Variants in TRAPPC9 observed in about 807,000 individuals in gnomAD.
The protein encoded by TRAPPC9 is IKK2 binding protein.
Under a neutral mutation model 124.0 loss-of-function variants are expected in TRAPPC9, and 83 were observed. The observed-to-expected ratio is 0.67, with a 90% CI of 0.56 to 0.80. The LOEUF (loss-of-function observed/expected upper bound fraction) is 0.80, where lower values mean the gene tolerates loss of function less well. TRAPPC9 is among the 30% of genes least tolerant of loss of function. The pLI is 0.00. For synonymous variants in TRAPPC9, 638 were observed against 617.5 expected, an observed-to-expected ratio of 1.03 and a Z score of -0.49; for missense variants, 1,302 against 1,508.3, an observed-to-expected ratio of 0.86 and a Z score of 2.27.
intron 17 of TRAPPC9, among the ~76,000 whole-genome samples, chr8:140,165,746 C>G (rs1484425177): frequency 6.6e-6 from 1 of 152,090 alleles, no homozygotes; most frequent in African/African-American, 2.4e-5. Context: ...CTGAGATTAT[C>G]TGCAAGGCAG....
At chr8:140,015,342 T>TA (rs1406128524) in intron 18 of TRAPPC9, among the ~76,000 whole-genome samples, 1 of 152,216 alleles carries the variant, frequency 6.6e-6, no homozygotes, top group African/African-American at 2.4e-5. Flanking sequence ...TGGGGATGCA[T>TA]ATAACTCTAA....
rs111380726 is a variant in TRAPPC9, at chr8:139,821,718, G to A, written c.3055+64161C>T. ...ATCAATGTTTTTAAAGTGCTTTCTC[G>A]ACTACAAACCAGCACCCATGGTGAG... On this transcript the variant is annotated intron_variant, in intron 21 of 22. Coordinates refer to ENST00000438773, the MANE Select transcript of TRAPPC9 (RefSeq NM_001160372.4). Among the ~76,000 whole-genome samples the A allele has an allele frequency of 2.8e-3, 419 of 152,260 alleles. 2 individuals are homozygous for A. The highest frequency in any genetic ancestry group is 9.2e-3 in the African/African-American group (383 of 41,552).
rs572905654 is a variant in TRAPPC9 at position 140,104,201 on chromosome 8, C to G, written c.2557-80122G>C. ...ATGACAGTAGAATACATGTGCTACA[C>G]TGTATGCCAGGGCTGTCGGCTGTAA... On this transcript the variant is annotated intron_variant, in intron 17 of 22. Transcript: ENST00000438773. This position sits in a 1 kb window ranked among gnomAD's most constrained non-coding sequence, Gnocchi z 4.0. Among the ~76,000 whole-genome samples, 149 of 152,272 alleles carry G rather than the reference C, an allele frequency of 9.8e-4. No homozygotes were observed. The highest frequency in any genetic ancestry group is 3.4e-3 in the African/African-American group (141 of 41,538).
At chr8:140,421,676 A>G (rs1363998964) in intron 5 of TRAPPC9, among the ~76,000 whole-genome samples, 2 of 152,190 alleles carry the variant, frequency 1.3e-5, no homozygotes, top group East Asian at 3.9e-4. Flanking sequence ...CAGGAAAAAA[A>G]GGAAGACAAC....
chr8:140,289,054 A>C (rs1021929725), intron 12 of TRAPPC9, among the ~76,000 whole-genome samples: 1 of 152,244 alleles, frequency 6.6e-6, no homozygotes, highest in African/African-American at 2.4e-5. Context: ...CCTCTGGAGA[A>C]GTGCTGGAAA....
intron 21 of TRAPPC9, among the ~76,000 whole-genome samples, chr8:139,861,725 A>T (rs1461578106): frequency 6.6e-6 from 1 of 152,086 alleles, no homozygotes; most frequent in Non-Finnish European, 1.5e-5. Context: ...GGAGCCCACA[A>T]ATCGAGTGGT....
At position 140,451,262 on chromosome 8, in the gene TRAPPC9, T is replaced by C. The variant is rs1435020201; in HGVS notation, c.112A>G (p.Ile38Val). The C allele has an allele frequency of 1.2e-6, 2 of 1,613,114 alleles. No individual in the cohort carries two copies. Among genetic ancestry groups the C allele is most frequent in the Non-Finnish European group, 1.7e-6 (2 of 1,180,030 alleles). ...ACGCTGATCTGACTCACAGAGCAAATCCTCTTATAGATCCTGAAGAAGTTC... is the reference window on the plus strand; with the variant it reads ...ACGCTGATCTGACTCACAGAGCAAACCCTCTTATAGATCCTGAAGAAGTTC... ...EENFFRIYKR[I>V]CSVSQISVRD... The change falls in exon 2 of 23, where the codon ATT becomes GTT. Residue 38 changes from isoleucine (I) to valine (V), a missense_variant. Around this residue, in one of 3 missense-constraint regions of TRAPPC9, gnomAD observed 657 missense variants for 811.2 expected, o/e 0.81. Coordinates refer to ENST00000438773, the MANE Select transcript of TRAPPC9 (RefSeq NM_001160372.4).
At chr8:139,919,775 G>A (rs1832391671) in intron 19 of TRAPPC9, among the ~76,000 whole-genome samples, 1 of 152,186 alleles carries the variant, frequency 6.6e-6, no homozygotes, top group Admixed American at 6.5e-5. Context: ...TGCTACCAGT[G>A]TGTGGCCCAG....
chr8:140,075,097 C>G (rs187096089), intron 17 of TRAPPC9, among the ~76,000 whole-genome samples: 10 of 152,254 alleles, frequency 6.6e-5, no homozygotes, highest in Admixed American at 1.3e-4. Flanking sequence ...GTGTGCCCAT[C>G]AAGAAGGTGA....
intron 17 of TRAPPC9, among the ~76,000 whole-genome samples, chr8:140,069,894 A>C (rs1011838910): frequency 1.3e-5 from 2 of 152,040 alleles, no homozygotes; most frequent in Non-Finnish European, 2.9e-5. Context: ...TAGAGTCCAA[A>C]GGCCCGGGAG....
At chr8:139,743,230 C>T (rs962660339) in intron 21 of TRAPPC9, among the ~76,000 whole-genome samples, 1 of 152,194 alleles carries the variant, frequency 6.6e-6, no homozygotes, top group Non-Finnish European at 1.5e-5. Flanking sequence ...GGCATGTCCC[C>T]TCAAGGCTGG....
chr8:140,207,065 G>T (rs973491797), intron 17 of TRAPPC9, among the ~76,000 whole-genome samples: 5 of 152,192 alleles, frequency 3.3e-5, no homozygotes, highest in African/African-American at 1.2e-4. Flanking sequence ...CCTGGAGAAG[G>T]CAGGCAGGAG....
At chr8:139,784,812 G>A (rs1165387992) in intron 21 of TRAPPC9, among the ~76,000 whole-genome samples, 9 of 151,538 alleles carry the variant, frequency 5.9e-5, no homozygotes, top group South Asian at 2.1e-4. Flanking sequence ...AATTATAGAC[G>A]GCTCAAAAAA....
At chr8:140,230,337 G>A (rs752891788) in intron 16 of TRAPPC9, among the ~76,000 whole-genome samples, 12 of 152,186 alleles carry the variant, frequency 7.9e-5, no homozygotes, top group Non-Finnish European at 1.0e-4. Context: ...GGCTGGGCAC[G>A]GTGGCTCATG....
intron 16 of TRAPPC9, among the ~76,000 whole-genome samples, chr8:140,225,223 T>C (rs974884104): frequency 1.3e-5 from 2 of 152,210 alleles, no homozygotes; most frequent in African/African-American, 4.8e-5. Flanking sequence ...GATTCACCAT[T>C]ATGCCCCTCA....
intron 19 of TRAPPC9, chr8:139,916,397 G>A (rs1053641898): frequency 6.6e-6 from 1 of 152,248 alleles, no homozygotes; most frequent in Non-Finnish European, 1.5e-5. Context: ...CCGCATTACA[G>A]ATGGAGAGAC....
chr8:140,326,459 C>A (rs183825772), intron 9 of TRAPPC9, among the ~76,000 whole-genome samples: 1 of 152,128 alleles, frequency 6.6e-6, no homozygotes, highest in Non-Finnish European at 1.5e-5. Flanking sequence ...GATCAAAGGA[C>A]CCGCTTTGCC....
chr8:140,332,350 A>C (rs1299037392), intron 9 of TRAPPC9, among the ~76,000 whole-genome samples: 2 of 152,232 alleles, frequency 1.3e-5, no homozygotes, highest in African/African-American at 4.8e-5. Context: ...GAGGTTGGTC[A>C]ACAGAGACAA....
Position 139,910,223 on chromosome 8 carries a change from G to A in TRAPPC9, c.2888C>T (p.Pro963Leu). 6.2e-7 allele frequency: 1 copy of A among 1,614,132 alleles called. No individual in the cohort carries two copies. The highest frequency in any genetic ancestry group is 2.2e-5 in the East Asian group (1 of 44,872). ...SPGEKGQFAN[P>L]KQLEEERREA... Reference sequence around the variant, plus strand: ...CCGCCGCTCTTCCTCCAGCTGCTTGGGGTTTGCAAATTGCCCCTTCTCCCC... The same window carrying A: ...CCGCCGCTCTTCCTCCAGCTGCTTGAGGTTTGCAAATTGCCCCTTCTCCCC... Residue 963 changes from proline to leucine, a missense_variant, in exon 20 of 23, where the codon CCC (proline) becomes CTC (leucine). Coordinates refer to ENST00000438773, the MANE Select transcript of TRAPPC9 (RefSeq NM_001160372.4).
Sources: gnomAD v4.1 joint callset for allele counts (sites outside exome capture counted in the v4.1 genomes callset) on GRCh38, gnomAD v4.1.1 for gene constraint, gnomAD v4.1.1 regional missense constraint, Gnocchi (gnomAD v3.1) non-coding constraint, MANE v1.5 for transcripts, NCBI Gene and HGNC (gene_info 2026-07-23, HGNC 2026-07-21) for gene names.